GATA6: variants seen among roughly 807,000 people sequenced by gnomAD.
GATA6 encodes the protein GATA binding protein 6.
In GATA6, 11 loss-of-function variants were observed where a neutral mutation model predicts 48.1. That is an observed-to-expected ratio of 0.23 (90% CI 0.14 to 0.38). The LOEUF (loss-of-function observed/expected upper bound fraction) is 0.38, where lower values mean the gene tolerates loss of function less well. Among genes scored for constraint, GATA6 ranks in the 10% least tolerant of loss-of-function variants. The probability of loss-of-function intolerance (pLI) is 1.00; values close to 1 mark genes in which losing one functional copy is unlikely to be tolerated. For missense variants in GATA6, 795 were observed against 850.3 expected, an observed-to-expected ratio of 0.93 and a Z score of 0.81; for synonymous variants, 419 against 396.1, an observed-to-expected ratio of 1.06 and a Z score of -0.69.
chr18:22,192,225 T>C (rs2033335435), intron 6 of GATA6, among the ~76,000 whole-genome samples: 1 of 152,164 alleles, frequency 6.6e-6, no homozygotes, highest in Non-Finnish European at 1.5e-5. Context: ...CTCCTTCTAC[T>C]AAAGGGGAAA....
chr18:22,195,385 C>T (rs2033377951), intron 6 of GATA6, among the ~76,000 whole-genome samples: 1 of 152,094 alleles, frequency 6.6e-6, no homozygotes, highest in African/African-American at 2.4e-5. Context: ...CTTTCTGATC[C>T]CATGAAGGTT....
intron 6 of GATA6, among the ~76,000 whole-genome samples, chr18:22,199,741 A>G (rs989631499): frequency 6.6e-6 from 1 of 151,988 alleles, no homozygotes; most frequent in East Asian, 1.9e-4. Flanking sequence ...CGTCTCTACT[A>G]AAAATACAAA....
At chr18:22,181,372 G>A (rs901390168) in intron 3 of GATA6, 81 bp from the exon 4 acceptor site, 5 of 1,475,014 alleles carry the variant, frequency 3.4e-6, no homozygotes, top group African/African-American at 1.4e-5. Context: ...TGATGACAGG[G>A]ACAAAATACC....
intron 4 of GATA6, 39 bp downstream of exon 4, chr18:22,181,617 T>C (rs199592618): frequency 2.6e-4 from 412 of 1,611,960 alleles, no homozygotes; most frequent in Non-Finnish European, 3.0e-4. Flanking sequence ...ATACATTTAG[T>C]ATCTGGTTTG....
Position 22,172,813 on chromosome 18 carries a change from G to A in GATA6, c.1135+534G>A, listed in dbSNP as rs1242058064. Among the ~76,000 whole-genome samples, 1 of 152,214 alleles carries A rather than the reference G, an allele frequency of 6.6e-6. No individual in the cohort carries two copies. The highest frequency in any genetic ancestry group is 2.4e-5 in the African/African-American group (1 of 41,448). ...TTCCTAGAGAAGGGTATTTAGAAGAGCACAACAGAAGAACCTAGATGTTCC... is the reference window on the plus strand; with the variant it reads ...TTCCTAGAGAAGGGTATTTAGAAGAACACAACAGAAGAACCTAGATGTTCC... On this transcript the variant is annotated intron_variant, in intron 2 of 6. Coordinates refer to ENST00000269216, the MANE Select transcript of GATA6 (RefSeq NM_005257.6). The surrounding 1 kb of genome is among the most constrained non-coding windows in gnomAD (Gnocchi z 5.2).
chr18:22,174,815 C>T (rs914162960), intron 2 of GATA6, among the ~76,000 whole-genome samples: 1 of 151,912 alleles, frequency 6.6e-6, no homozygotes, highest in East Asian at 1.9e-4. Context: ...TTGATCAACC[C>T]GCACAATTTG....
Position 22,172,025 on chromosome 18 carries a change from G to C in GATA6, c.881G>C (p.Ser294Thr). The change falls in exon 2 of 7, where the codon AGC becomes ACC. Residue 294 changes from serine (S) to threonine (T), a missense_variant. Ser to Thr is a moderately conservative substitution (Grantham distance 58). This residue lies in a region of GATA6 where 591 missense variants were observed against 570.0 expected (regional missense o/e 1.04). Transcript: ENST00000269216. The surrounding 1 kb of genome is among the most constrained non-coding windows in gnomAD (Gnocchi z 5.2). ...GGCAGTGGGGGCGCGGGAGGCGTGA[G>C]CGGCGGCGGCAGTAGCCTGGCGGCC... ...AAGSGGAGGVSGGGSSLAAMG... is the reference protein window; with the variant it reads ...AAGSGGAGGVTGGGSSLAAMG... 3 of 1,248,668 alleles carry C rather than the reference G, an allele frequency of 2.4e-6. No individual in the cohort carries two copies. Among genetic ancestry groups the C allele is most frequent in the Non-Finnish European group, 3.0e-6 (3 of 999,724 alleles). The allele number at this position is 1,248,668 out of a possible 1,614,324, so 77.3% of individuals were successfully genotyped here.
At position 22,172,126 on chromosome 18, in the gene GATA6, CA is replaced by C; in HGVS notation, c.983del (p.His328ProfsTer18). The C allele has an allele frequency of 6.6e-7, 1 of 1,519,998 alleles. No homozygotes were observed. The highest frequency in any genetic ancestry group is 8.8e-7 in the Non-Finnish European group (1 of 1,139,462). 94.2% of individuals were successfully genotyped at this position (1,519,998 alleles called of 1,614,324 possible). A position where few individuals can be genotyped will look rare whatever the true frequency, so the allele number is the denominator to read the frequency against. On this transcript the variant is annotated frameshift_variant, in exon 2 of 7. Coordinates refer to ENST00000269216, the MANE Select transcript of GATA6 (RefSeq NM_005257.6). LOFTEE classifies it high-confidence loss of function. This position sits in a 1 kb window ranked among gnomAD's most constrained non-coding sequence, Gnocchi z 5.2. ...PLNGTYHHHHHHHHHHPSPYS... is the reference protein window; with the variant it reads ...PLNGTYHHHHXHHHHHPSPYS... ...GAACGGGACGTACCACCACCACCACCACCACCACCACCACCATCCGAGCCCC... is the reference window on the plus strand; with the variant it reads ...GAACGGGACGTACCACCACCACCACCCCACCACCACCACCATCCGAGCCCC...
chr18:22,201,449 T>C lies in GATA6; in HGVS notation c.*626T>C, dbSNP rs145348592. The C allele has an allele frequency of 6.5e-6, 1 of 153,158 alleles. No individual in the cohort carries two copies. Among genetic ancestry groups the C allele is most frequent in the East Asian group, 1.9e-4 (1 of 5,200 alleles). 9.5% of individuals were successfully genotyped at this position (153,158 alleles called of 1,614,324 possible). On this transcript the variant is annotated 3_prime_UTR_variant, in exon 7 of 7. Transcript: ENST00000269216. ...AGGGTAGCAAACAAGATATTTTTCT[T>C]CCATGTATACAATAATTTTTTTAAA...
Position 22,171,618 on chromosome 18 carries a change from T to A in GATA6, c.474T>A (p.Gly158=). The A allele has an allele frequency of 1.3e-6, 2 of 1,597,592 alleles. No homozygotes were observed. Among genetic ancestry groups the A allele is most frequent in the Non-Finnish European group, 1.7e-6 (2 of 1,178,464 alleles). ...YQTLAALSSQ[G]PAAYDGAPGG... ...CCCTCGCCGCTCTCTCCAGCCAGGGTCCGGCCGCCTACGACGGCGCGCCCG... is the reference window on the plus strand; with the variant it reads ...CCCTCGCCGCTCTCTCCAGCCAGGGACCGGCCGCCTACGACGGCGCGCCCG... Residue 158 remains glycine, a synonymous_variant, in exon 2 of 7, where the codon GGT becomes GGA. Transcript: ENST00000269216. This position sits in a 1 kb window ranked among gnomAD's most constrained non-coding sequence, Gnocchi z 7.1.
chr18:22,170,107 G>C lies in GATA6; in HGVS notation c.-38+425G>C, dbSNP rs28610978. Among the ~76,000 whole-genome samples the C allele has an allele frequency of 0.18, 26,986 of 152,124 alleles. 6,107 individuals are homozygous for C. Among genetic ancestry groups the C allele is most frequent in the African/African-American group, 0.53 (22,070 of 41,454 alleles). ...TGCATTTCACCTCCCTCCCCCACTC[G>C]CTCCGAGTCTCCCTGTCATTCTTCC... On this transcript the variant is annotated intron_variant, in intron 1 of 6. Coordinates refer to ENST00000269216, the MANE Select transcript of GATA6 (RefSeq NM_005257.6). The surrounding 1 kb of genome is among the most constrained non-coding windows in gnomAD (Gnocchi z 6.7).
intron 2 of GATA6, chr18:22,175,594 CT>C (rs1474490735): frequency 7.2e-5 from 11 of 152,166 alleles, no homozygotes; most frequent in African/African-American, 2.7e-4. Flanking sequence ...CCCATGACAA[CT>C]TTGAACTCGG....
rs1236716794 is a variant in GATA6 at position 22,172,678 on chromosome 18, G to C, written c.1135+399G>C. Among the ~76,000 whole-genome samples the C allele has an allele frequency of 1.3e-5, 2 of 152,300 alleles. No homozygotes were observed. Among genetic ancestry groups the C allele is most frequent in the Middle Eastern group, 3.4e-3 (1 of 294 alleles). ...TTTGGGTGAGTGGAAGAAATTCCAC[G>C]ATGGGAGTAAGTTTGGGAGAGTGGC... On this transcript the variant is annotated intron_variant, in intron 2 of 6. Coordinates refer to ENST00000269216, the MANE Select transcript of GATA6 (RefSeq NM_005257.6). This position sits in a 1 kb window ranked among gnomAD's most constrained non-coding sequence, Gnocchi z 5.2.
At chr18:22,182,674 T>G in intron 4 of GATA6, 83 bp from the exon 5 acceptor site, 1 of 1,011,656 alleles carries the variant, frequency 9.9e-7, no homozygotes, top group Non-Finnish European at 1.5e-6. Flanking sequence ...TTCTTTTAAA[T>G]GAGAGCTTTT....
At chr18:22,184,461 A>C (rs1426919472) in intron 6 of GATA6, among the ~76,000 whole-genome samples, 1 of 151,936 alleles carries the variant, frequency 6.6e-6, no homozygotes, top group Non-Finnish European at 1.5e-5. Flanking sequence ...GGTAAATAGA[A>C]CATGTTTCTT....
At chr18:22,181,132 G>T (rs747639613) in intron 3 of GATA6, among the ~76,000 whole-genome samples, 2 of 152,144 alleles carry the variant, frequency 1.3e-5, no homozygotes, top group African/African-American at 2.4e-5. Flanking sequence ...AACTCTCCTT[G>T]ATATGATGCT....
At chr18:22,177,944 GTTTTT>G in intron 3 of GATA6, among the ~76,000 whole-genome samples, 1 of 77,866 alleles carries the variant, frequency 1.3e-5, no homozygotes, top group African/African-American at 6.3e-5. Context: ...ACGTTTTACT[GTTTTT>G]TTGTTTTTTT....
intron 6 of GATA6, among the ~76,000 whole-genome samples, chr18:22,186,121 G>A (rs1192435406): frequency 2.0e-5 from 3 of 152,186 alleles, no homozygotes; most frequent in African/African-American, 7.2e-5. Flanking sequence ...ACACAGCACC[G>A]AGGTTGGCTT....
chr18:22,187,085 G>A (rs2033271652), intron 6 of GATA6, among the ~76,000 whole-genome samples: 1 of 152,152 alleles, frequency 6.6e-6, no homozygotes, highest in African/African-American at 2.4e-5. Flanking sequence ...TTGATAAATG[G>A]TTGCTTTCTG....
Sources: gnomAD v4.1 joint callset for allele counts (sites outside exome capture counted in the v4.1 genomes callset) on GRCh38, gnomAD v4.1.1 for gene constraint, gnomAD v4.1.1 regional missense constraint, Gnocchi (gnomAD v3.1) non-coding constraint, MANE v1.5 for transcripts, NCBI Gene and HGNC (gene_info 2026-07-23, HGNC 2026-07-21) for gene names.